The following SETBP1 variants were observed in gnomAD, a reference collection of about 807,000 sequenced individuals.
SETBP1 encodes the protein SET binding protein 1, also known as SET-binding protein.
Under a neutral mutation model 101.0 loss-of-function variants are expected in SETBP1, and 9 were observed. The ratio of observed to expected loss-of-function variants is 0.09; its 90% CI spans 0.05 to 0.16. SETBP1 has a LOEUF of 0.16. Among genes scored for constraint, SETBP1 ranks in the 10% least tolerant of loss-of-function variants. The pLI is 1.00. For missense variants in SETBP1, 1,858 were observed against 2,033.8 expected, an observed-to-expected ratio of 0.91 and a Z score of 1.66; for synonymous variants, 818 against 788.5, an observed-to-expected ratio of 1.04 and a Z score of -0.63.
intron 2 of SETBP1, among the ~76,000 whole-genome samples, chr18:44,738,786 A>AG (rs908300132): frequency 6.6e-6 from 1 of 151,806 alleles, no homozygotes; most frequent in African/African-American, 2.4e-5. Context: ...AAAAAAAAAA[A>AG]AAAAAGAAAA....
Position 44,701,257 on chromosome 18 carries a change from T to A in SETBP1, c.-90T>A. The stretch of plus-strand genomic sequence containing the variant: ...CCTAGCAACTGGACCACTTTGTTCT[T>A]GGAATTTTGGGTGTCCTCTTTTCTC... On this transcript the variant is annotated 5_prime_UTR_variant, in exon 2 of 6. Transcript: ENST00000649279. 7.1e-7 allele frequency: 1 copy of A among 1,412,462 alleles called. No individual in the cohort carries two copies. Among genetic ancestry groups the A allele is most frequent in the Non-Finnish European group, 9.4e-7 (1 of 1,067,932 alleles). The allele number at this position is 1,412,462 out of a possible 1,614,324, so 87.5% of individuals were successfully genotyped here.
chr18:44,820,775 G>A (rs2072095456), intron 2 of SETBP1, among the ~76,000 whole-genome samples: 1 of 152,192 alleles, frequency 6.6e-6, no homozygotes, highest in African/African-American at 2.4e-5. Context: ...CACAGTGCCT[G>A]GCACATGGAA....
intron 4 of SETBP1, among the ~76,000 whole-genome samples, chr18:44,955,525 A>G (rs1212865938): frequency 6.6e-6 from 1 of 152,192 alleles, no homozygotes; most frequent in Non-Finnish European, 1.5e-5. Context: ...TCTTAAAGCC[A>G]TTTCACATAA....
chr18:44,799,926 G>A (rs1361494533), intron 2 of SETBP1, among the ~76,000 whole-genome samples: 1 of 152,174 alleles, frequency 6.6e-6, no homozygotes, highest in East Asian at 1.9e-4. Context: ...CAAGAGGCAA[G>A]GGCAAGATGT....
At chr18:44,708,038 G>T (rs2069259741) in intron 2 of SETBP1, among the ~76,000 whole-genome samples, 1 of 152,166 alleles carries the variant, frequency 6.6e-6, no homozygotes, top group South Asian at 2.1e-4. Context: ...TTTACACGTG[G>T]GTGAGGAGGG....
At chr18:44,856,027 G>T (rs570523981) in intron 2 of SETBP1, among the ~76,000 whole-genome samples, 9 of 151,434 alleles carry the variant, frequency 5.9e-5, no homozygotes, top group African/African-American at 2.2e-4. Context: ...CAGTCATGGG[G>T]CCTAGAAGCT....
At chr18:44,861,716 G>A (rs1478465170) in intron 2 of SETBP1, among the ~76,000 whole-genome samples, 1 of 152,104 alleles carries the variant, frequency 6.6e-6, no homozygotes, top group Non-Finnish European at 1.5e-5. Flanking sequence ...AGCCACTTTT[G>A]ACTGAAATGA....
chr18:44,787,102 G>A (rs1001972319), intron 2 of SETBP1, among the ~76,000 whole-genome samples: 43 of 152,302 alleles, frequency 2.8e-4, no homozygotes, highest in African/African-American at 1.0e-3. Context: ...AGGGACAATA[G>A]TGCTTTCAAA....
chr18:44,945,450 A>G (rs936604298), intron 3 of SETBP1, among the ~76,000 whole-genome samples: 1 of 152,250 alleles, frequency 6.6e-6, no homozygotes, highest in Non-Finnish European at 1.5e-5. Flanking sequence ...TAGTGTTTTC[A>G]GAGTTTCACT....
rs986188332 is a variant in SETBP1, at chr18:45,065,764, A to G, written c.*2066A>G. 1.3e-5 allele frequency: 2 copies of G among 152,186 alleles called. No individual in the cohort carries two copies. Among genetic ancestry groups the G allele is most frequent in the Admixed American group, 6.5e-5 (1 of 15,282 alleles). 9.4% of individuals were successfully genotyped at this position (152,186 alleles called of 1,614,324 possible). On this transcript the variant is annotated 3_prime_UTR_variant, in exon 6 of 6. Coordinates refer to ENST00000649279, the MANE Select transcript of SETBP1 (RefSeq NM_015559.3). Reference sequence around the variant, plus strand: ...CTACTTTAAAGCTTATATCCTAGATACTCAGTTTGTGACCTTGGTTGACCT... The same window carrying G: ...CTACTTTAAAGCTTATATCCTAGATGCTCAGTTTGTGACCTTGGTTGACCT...
chr18:44,739,404 C>A (rs1281155093), intron 2 of SETBP1, among the ~76,000 whole-genome samples: 2 of 152,166 alleles, frequency 1.3e-5, no homozygotes, highest in Admixed American at 1.3e-4. Flanking sequence ...TCTCCTTGAT[C>A]TGTGACTGCT....
chr18:45,036,129 C>G (rs1351879623), intron 4 of SETBP1, among the ~76,000 whole-genome samples: 1 of 152,038 alleles, frequency 6.6e-6, no homozygotes, highest in East Asian at 1.9e-4. Flanking sequence ...GTCAGGAGAT[C>G]GAGACCATCC....
At chr18:44,982,575 T>C (rs1376634631) in intron 4 of SETBP1, among the ~76,000 whole-genome samples, 1 of 152,174 alleles carries the variant, frequency 6.6e-6, no homozygotes, top group Non-Finnish European at 1.5e-5. Context: ...ACAAGTAAAA[T>C]AACAGATTTA....
chr18:44,742,929 G>T (rs1169771774), intron 2 of SETBP1, among the ~76,000 whole-genome samples: 1 of 151,762 alleles, frequency 6.6e-6, no homozygotes, highest in Non-Finnish European at 1.5e-5. Flanking sequence ...CCTCCTCATT[G>T]TGTCTGGCTC....
chr18:45,013,607 C>CCT (rs915428611), intron 4 of SETBP1, among the ~76,000 whole-genome samples: 9 of 151,910 alleles, frequency 5.9e-5, no homozygotes, highest in Non-Finnish European at 8.8e-5. Context: ...GCCCGACTAA[C>CCT]TTTTGTATTT....
At chr18:44,754,233 T>A (rs975505394) in intron 2 of SETBP1, among the ~76,000 whole-genome samples, 4 of 152,212 alleles carry the variant, frequency 2.6e-5, no homozygotes, top group African/African-American at 9.6e-5. Flanking sequence ...TCTTTATGCA[T>A]GTCATATTTA....
At chr18:44,855,972 A>G in intron 2 of SETBP1, among the ~76,000 whole-genome samples, 1 of 152,020 alleles carries the variant, frequency 6.6e-6, no homozygotes, top group East Asian at 1.9e-4. Context: ...CTGGGGAGCA[A>G]CGGGAGAGGA....
At position 44,949,875 on chromosome 18, in the gene SETBP1, C is replaced by T. The variant is rs1191313263; in HGVS notation, c.541-6C>T. On this transcript the variant is annotated splice_region_variant and splice_polypyrimidine_tract_variant and intron_variant, in intron 3 of 5. Transcript: ENST00000649279. ...CTCTCTCCCTCTCCACTCCACCCAC[C>T]CTTAGGCTTACGAGAGGCCCCAGAA... 1.8e-5 allele frequency: 29 copies of T among 1,610,738 alleles called. No individual in the cohort carries two copies. The highest frequency in any genetic ancestry group is 2.5e-5 in the Non-Finnish European group (29 of 1,178,360).
chr18:45,051,719 T>A (rs978447363), intron 5 of SETBP1, among the ~76,000 whole-genome samples: 3 of 152,192 alleles, frequency 2.0e-5, no homozygotes, highest in African/African-American at 7.2e-5. Context: ...ATCCTTAATG[T>A]CCTTAAATGT....
Sources: allele counts gnomAD v4.1 joint callset (sites outside exome capture counted in the v4.1 genomes callset), GRCh38; gene constraint gnomAD v4.1.1; transcripts MANE v1.5; gene names NCBI Gene and HGNC (gene_info 2026-07-23, HGNC 2026-07-21).